Variants in KLHL6 observed in about 807,000 individuals in gnomAD.
KLHL6 encodes the protein kelch like family member 6, also known as kelch-like protein 6.
KLHL6 carries 41 observed loss-of-function variants against 58.6 expected under a neutral mutation model. The ratio of observed to expected loss-of-function variants is 0.70; its 90% CI spans 0.55 to 0.91. The LOEUF (loss-of-function observed/expected upper bound fraction) is 0.91, where lower values mean the gene tolerates loss of function less well. Among genes scored for constraint, KLHL6 ranks in the 40% least tolerant of loss-of-function variants. KLHL6 has a pLI of 0.00. For missense variants in KLHL6, 714 were observed against 805.6 expected, an observed-to-expected ratio of 0.89 and a Z score of 1.38; for synonymous variants, 338 against 322.7, an observed-to-expected ratio of 1.05 and a Z score of -0.51.
At chr3:183,551,060 G>A (rs545328129) in intron 1 of KLHL6, among the ~76,000 whole-genome samples, 1 of 150,514 alleles carries the variant, frequency 6.6e-6, no homozygotes, top group East Asian at 2.0e-4. Flanking sequence ...GGCGGAGCTT[G>A]CAATGAGCGG....
intron 2 of KLHL6, 122 bp downstream of exon 2, chr3:183,527,723 C>T (rs988525141): frequency 5.8e-5 from 40 of 689,870 alleles, no homozygotes; most frequent in Middle Eastern, 4.2e-4. Flanking sequence ...TGTTTGTGTG[C>T]GTGTGTGTGT....
chr3:183,492,740 C>A lies in KLHL6; in HGVS notation c.1351-33G>T. The A allele has an allele frequency of 6.2e-7, 1 of 1,601,946 alleles. No homozygotes were observed. Among genetic ancestry groups the A allele is most frequent in the South Asian group, 1.1e-5 (1 of 90,372 alleles). On this transcript the variant is annotated intron_variant, in intron 5 of 6. Transcript: ENST00000341319. This position sits in a 1 kb window ranked among gnomAD's most constrained non-coding sequence, Gnocchi z 5.9. ...GGCACAGGGCACAAGAAGAAGCTGT[C>A]AGTCATGCTGCCCAGATTGCTGCAG...
chr3:183,514,058 T>C (rs1718262102), intron 2 of KLHL6, among the ~76,000 whole-genome samples: 1 of 152,220 alleles, frequency 6.6e-6, no homozygotes, highest in Admixed American at 6.5e-5. Context: ...ACTCATCCTT[T>C]TTTATGGCTG....
In KLHL6 at chr3:183,508,471, G is replaced by T. The variant is rs1718084372; in HGVS notation, c.497C>A (p.Thr166Asn). 3.7e-6 allele frequency: 6 copies of T among 1,614,166 alleles called. No individual in the cohort carries two copies. Among genetic ancestry groups the T allele is most frequent in the East Asian group, 2.2e-5 (1 of 44,882 alleles). ...RMVDACASFL[T>N]EALNPENCVG... The stretch of plus-strand genomic sequence containing the variant: ...GCAGTTTTCTGGGTTCAAGGCTTCA[G>T]TGAGGAAGCTGGCACAGGCATCCAC... Residue 166 changes from threonine to asparagine, a missense_variant, in exon 3 of 7, where the codon ACT (threonine) becomes AAT (asparagine). Thr to Asn is a moderately conservative substitution (Grantham distance 65). This residue lies in a region of KLHL6 where 510 missense variants were observed against 629.7 expected (regional missense o/e 0.81). Coordinates refer to ENST00000341319, the MANE Select transcript of KLHL6 (RefSeq NM_130446.4).
intron 1 of KLHL6, among the ~76,000 whole-genome samples, chr3:183,539,708 C>CAAAAAAAA (rs4066041): frequency 1.2e-4 from 15 of 123,420 alleles, no homozygotes; most frequent in African/African-American, 4.8e-4. Flanking sequence ...GACTCCATCT[C>CAAAAAAAA]AAAAAAAAAA....
intron 2 of KLHL6, among the ~76,000 whole-genome samples, chr3:183,519,915 AAAC>A (rs1319939790): frequency 0.057 from 8,283 of 146,458 alleles, 276 homozygotes; most frequent in African/African-American, 0.095. Context: ...AAAAAAAAAA[AAAC>A]AAGAAAACAG....
intron 2 of KLHL6, among the ~76,000 whole-genome samples, chr3:183,518,676 T>TGG (rs1711638052): frequency 6.6e-6 from 1 of 152,208 alleles, no homozygotes; most frequent in African/African-American, 2.4e-5. Flanking sequence ...CTAAATAGAC[T>TGG]TTCAGAACTT....
At chr3:183,538,451 A>G (rs1000681516) in intron 1 of KLHL6, among the ~76,000 whole-genome samples, 4 of 152,172 alleles carry the variant, frequency 2.6e-5, no homozygotes, top group Admixed American at 2.0e-4. Context: ...TATACCAGGA[A>G]CGAACTCCCC....
intron 1 of KLHL6, among the ~76,000 whole-genome samples, chr3:183,528,549 T>C (rs1435121055): frequency 1.3e-5 from 2 of 152,216 alleles, no homozygotes; most frequent in African/African-American, 4.8e-5. Flanking sequence ...ATTTCAGGAC[T>C]CTGTCTCGCC....
chr3:183,534,095 A>AAAGTACTTTAAAAGTACTTTACTT (rs2108688592), intron 1 of KLHL6, among the ~76,000 whole-genome samples: 1 of 134,426 alleles, frequency 7.4e-6, no homozygotes, highest in Admixed American at 7.3e-5. Context: ...CTTTACTTTT[A>AAAGTACTTTAAAAGTACTTTACTT]AAGTACTTTA....
At chr3:183,524,134 T>A (rs947604930) in intron 2 of KLHL6, among the ~76,000 whole-genome samples, 3 of 152,198 alleles carry the variant, frequency 2.0e-5, no homozygotes, top group African/African-American at 7.2e-5. Flanking sequence ...AGTGCCCTGA[T>A]TGAGAAATCA....
At chr3:183,540,512 C>T (rs1712517218) in intron 1 of KLHL6, among the ~76,000 whole-genome samples, 1 of 152,100 alleles carries the variant, frequency 6.6e-6, no homozygotes, top group African/African-American at 2.4e-5. Flanking sequence ...TACAATTGGA[C>T]AAAAGAAATC....
chr3:183,533,338 C>T (rs1712220874), intron 1 of KLHL6, among the ~76,000 whole-genome samples: 1 of 148,458 alleles, frequency 6.7e-6, no homozygotes, highest in African/African-American at 2.6e-5. Flanking sequence ...TTCTTCCTTT[C>T]TTCCTTTCTT....
At chr3:183,494,332 A>G (rs1474957705) in intron 4 of KLHL6, 51 bp from the exon 5 acceptor site, 4 of 1,460,210 alleles carry the variant, frequency 2.7e-6, no homozygotes, top group Non-Finnish European at 3.8e-6. Flanking sequence ...TCAGAAATAC[A>G]GCTTCTCCCA....
At chr3:183,541,808 G>T (rs1254834581) in intron 1 of KLHL6, among the ~76,000 whole-genome samples, 3 of 152,222 alleles carry the variant, frequency 2.0e-5, no homozygotes, top group Non-Finnish European at 4.4e-5. Context: ...TCTCCAAGGT[G>T]TTCAAGAATT....
chr3:183,543,532 C>T (rs1321983098), intron 1 of KLHL6, among the ~76,000 whole-genome samples: 1 of 152,164 alleles, frequency 6.6e-6, no homozygotes, highest in Non-Finnish European at 1.5e-5. Flanking sequence ...TCCTAACTTT[C>T]CCTAATCTCT....
intron 3 of KLHL6, among the ~76,000 whole-genome samples, chr3:183,506,853 TA>T (rs1366173100): frequency 6.6e-6 from 1 of 150,586 alleles, no homozygotes. Flanking sequence ...AATAAATAAA[TA>T]AATAAATAAA....
chr3:183,523,841 C>T (rs1711854404), intron 2 of KLHL6, among the ~76,000 whole-genome samples: 1 of 152,122 alleles, frequency 6.6e-6, no homozygotes, highest in Non-Finnish European at 1.5e-5. Flanking sequence ...CTCACTGCAA[C>T]CTCCCCCTTC....
intron 1 of KLHL6, among the ~76,000 whole-genome samples, chr3:183,531,240 G>C (rs59778744): frequency 2.6e-5 from 4 of 152,052 alleles, no homozygotes; most frequent in African/African-American, 9.7e-5. Context: ...CAGACACCTG[G>C]GAGTCGGGGG....
Sources: allele counts gnomAD v4.1 joint callset (sites outside exome capture counted in the v4.1 genomes callset), GRCh38; gene constraint gnomAD v4.1.1; regional missense constraint gnomAD v4.1.1; non-coding constraint Gnocchi (gnomAD v3.1); transcripts MANE v1.5; gene names NCBI Gene and HGNC (gene_info 2026-07-23, HGNC 2026-07-21).